TECPR2: variants seen among roughly 807,000 people sequenced by gnomAD.
TECPR2 encodes tectonin beta-propeller repeat-containing protein 2.
TECPR2 carries 65 observed loss-of-function variants against 138.1 expected under a neutral mutation model. The observed-to-expected ratio is 0.47, with a 90% CI of 0.39 to 0.58. The LOEUF (loss-of-function observed/expected upper bound fraction) is 0.58, where lower values mean the gene tolerates loss of function less well. Ranked by LOEUF, TECPR2 falls within the 20% of genes least tolerant of loss-of-function variation. TECPR2 has a pLI of 0.00. For missense variants in TECPR2, 1,553 were observed against 1,824.5 expected (o/e 0.85, Z 2.71); for synonymous variants, 746 against 749.8 (o/e 0.99, Z 0.08).
intron 2 of TECPR2, among the ~76,000 whole-genome samples, chr14:102,396,781 G>C (rs546618140): frequency 2.0e-5 from 3 of 152,330 alleles, no homozygotes; most frequent in East Asian, 3.9e-4. Context: ...GGTGTTCCTA[G>C]AGCTTGCACA....
intron 5 of TECPR2, among the ~76,000 whole-genome samples, chr14:102,423,915 G>A (rs921049737): frequency 3.3e-5 from 5 of 152,264 alleles, no homozygotes; most frequent in African/African-American, 9.6e-5. Context: ...GCAATCAGAC[G>A]TCAGAAGCAA....
intron 17 of TECPR2, among the ~76,000 whole-genome samples, chr14:102,485,899 A>G (rs911475596): frequency 6.6e-6 from 1 of 152,170 alleles, no homozygotes; most frequent in Non-Finnish European, 1.5e-5. Flanking sequence ...TCTCACAGCA[A>G]TATTTGAGTC....
chr14:102,469,106 G>A (rs79272272), intron 17 of TECPR2, among the ~76,000 whole-genome samples: 6,354 of 151,992 alleles, frequency 0.042, 157 homozygotes, highest in Middle Eastern at 0.092. Context: ...TGTGAATTTT[G>A]GGATAAGTAT....
chr14:102,428,446 AT>A, intron 7 of TECPR2, 64 bp downstream of exon 7: 1 of 1,589,322 alleles, frequency 6.3e-7, no homozygotes, highest in Non-Finnish European at 8.5e-7. Context: ...GTTGTTTGTA[AT>A]TGCAGTTAAT....
rs371109874 is a variant in TECPR2, at chr14:102,452,446, C to T, written c.3459C>T (p.Ala1153=). The part of the protein sequence containing the change: ...QSSKDLCSVS[A]QSAQSRPSTV... ...GCAAGGACCTGTGCAGCGTCAGCGC[C>T]CAGAGCGCACAGTCGCGGCCCTCCA... The change falls in exon 16 of 20, where the codon GCC becomes GCT. Residue 1153 remains alanine, a synonymous_variant. Coordinates refer to ENST00000359520, the MANE Select transcript of TECPR2 (RefSeq NM_014844.5). 8.1e-6 allele frequency: 13 copies of T among 1,613,710 alleles called. No homozygotes were observed. Among genetic ancestry groups the T allele is most frequent in the Non-Finnish European group, 1.1e-5 (13 of 1,179,800 alleles).
intron 1 of TECPR2, among the ~76,000 whole-genome samples, chr14:102,372,149 C>T (rs1887522427): frequency 6.6e-6 from 1 of 152,110 alleles, no homozygotes; most frequent in Admixed American, 6.6e-5. Context: ...CAGGATCTTG[C>T]CATGTTTCCC....
chr14:102,492,017 G>A (rs1891170606), intron 17 of TECPR2, among the ~76,000 whole-genome samples: 1 of 152,222 alleles, frequency 6.6e-6, no homozygotes, highest in Non-Finnish European at 1.5e-5. Flanking sequence ...GGGGTGGTAT[G>A]GTGTACCATG....
chr14:102,446,948 T>C (rs938268726), intron 13 of TECPR2, among the ~76,000 whole-genome samples: 2 of 152,170 alleles, frequency 1.3e-5, no homozygotes, highest in African/African-American at 4.8e-5. Flanking sequence ...GATAATAGGT[T>C]TGAAAGCCCA....
At chr14:102,413,685 C>T (rs1888945144) in intron 4 of TECPR2, among the ~76,000 whole-genome samples, 1 of 152,152 alleles carries the variant, frequency 6.6e-6, no homozygotes, top group South Asian at 2.1e-4. Flanking sequence ...GGCCTGATGA[C>T]ACTTTTCTGT....
chr14:102,480,293 C>T (rs1040528540), intron 17 of TECPR2, among the ~76,000 whole-genome samples: 1 of 151,318 alleles, frequency 6.6e-6, no homozygotes, highest in Admixed American at 6.6e-5. Context: ...GGCATGATCT[C>T]GGCTCACTGC....
At chr14:102,483,381 G>A (rs1344560136) in intron 17 of TECPR2, among the ~76,000 whole-genome samples, 1 of 151,176 alleles carries the variant, frequency 6.6e-6, no homozygotes, top group Non-Finnish European at 1.5e-5. Context: ...TTTTTTTGTT[G>A]TTATGTTTTT....
At chr14:102,380,828 G>A (rs1262766876) in intron 2 of TECPR2, among the ~76,000 whole-genome samples, 4 of 152,088 alleles carry the variant, frequency 2.6e-5, no homozygotes, top group Non-Finnish European at 4.4e-5. Flanking sequence ...ACAGGTGCCC[G>A]CCACCACACC....
rs546399755 is a variant in TECPR2, at chr14:102,406,398, A to C, written c.220-940A>C. Among the ~76,000 whole-genome samples the C allele has an allele frequency of 1.8e-4, 28 of 152,016 alleles. No homozygotes were observed. In the East Asian group the frequency reaches 5.0e-3, roughly 27 times the overall value. On this transcript the variant is annotated intron_variant, in intron 2 of 19. Coordinates refer to ENST00000359520, the MANE Select transcript of TECPR2 (RefSeq NM_014844.5). ...CCCGTCTCTACTAAAAATACAAAAA[A>C]AGCGGGGCGTGGTGGCGGGCGCCTG...
At chr14:102,447,887 C>T (rs113364946) in intron 13 of TECPR2, among the ~76,000 whole-genome samples, 1 of 152,090 alleles carries the variant, frequency 6.6e-6, no homozygotes, top group Non-Finnish European at 1.5e-5. Flanking sequence ...TTATTGTCAC[C>T]TCAGACTTGC....
intron 13 of TECPR2, 120 bp from the exon 14 acceptor site, chr14:102,449,509 G>A (rs1890080067): frequency 1.4e-6 from 2 of 1,459,858 alleles, no homozygotes; most frequent in African/African-American, 1.4e-5. Flanking sequence ...GTGTTTGGAT[G>A]GTCATCTTGT....
chr14:102,407,544 T>G, intron 3 of TECPR2, 78 bp downstream of exon 3: 2 of 1,507,732 alleles, frequency 1.3e-6, no homozygotes, highest in Non-Finnish European at 1.8e-6. Flanking sequence ...AATCCTCATC[T>G]GCTTAGAAAG....
rs200908836 is a variant in TECPR2 at position 102,449,879 on chromosome 14, T to C, written c.3316+10T>C. On this transcript the variant is annotated intron_variant, in intron 14 of 19. Transcript: ENST00000359520. ...AAGGGAAGTCTCATAGGTGGGTGAA[T>C]TGCTGTAATTTTCACACTGGCTTTA... is the stretch of plus-strand genomic sequence containing the variant. 3 of 1,610,664 alleles carry C rather than the reference T, an allele frequency of 1.9e-6. No homozygotes were observed. The East Asian group carries it at 6.7e-5, about 36-fold the overall frequency.
At chr14:102,459,255 G>T (rs1890349096) in intron 16 of TECPR2, among the ~76,000 whole-genome samples, 1 of 152,152 alleles carries the variant, frequency 6.6e-6, no homozygotes, top group Admixed American at 6.5e-5. Flanking sequence ...GGGAAAGTCA[G>T]TACTGTTTGC....
intron 7 of TECPR2, among the ~76,000 whole-genome samples, chr14:102,429,102 C>T (rs1216522776): frequency 1.3e-5 from 2 of 152,212 alleles, no homozygotes; most frequent in African/African-American, 4.8e-5. Context: ...CTGCCTCCGC[C>T]TCCCAAAGTG....
Sources: gnomAD v4.1 joint callset for allele counts (sites outside exome capture counted in the v4.1 genomes callset) on GRCh38, gnomAD v4.1.1 for gene constraint, MANE v1.5 for transcripts, NCBI Gene and HGNC (gene_info 2026-07-23, HGNC 2026-07-21) for gene names.